Variants in BOC observed in about 807,000 individuals in gnomAD.
The protein encoded by BOC is brother of CDO.
In BOC, 76 loss-of-function variants were observed where a neutral mutation model predicts 112.0. The ratio of observed to expected loss-of-function variants is 0.68; its 90% CI spans 0.56 to 0.82. BOC has a LOEUF of 0.82. Among genes scored for constraint, BOC ranks in the 40% least tolerant of loss-of-function variants. The pLI is 0.00. For synonymous variants in BOC, 580 were observed against 599.8 expected, an observed-to-expected ratio of 0.97 and a Z score of 0.48; for missense variants, 1,309 against 1,511.7, an observed-to-expected ratio of 0.87 and a Z score of 2.22.
chr3:113,222,566 C>T (rs555932853), intron 2 of BOC, among the ~76,000 whole-genome samples: 2 of 152,272 alleles, frequency 1.3e-5, no homozygotes, highest in African/African-American at 4.8e-5. Flanking sequence ...CAGGAATGTC[C>T]GTGGGTGTAC....
At chr3:113,280,096 G>C (rs1576500432) in intron 13 of BOC, 91 bp downstream of exon 13, 1 of 1,329,224 alleles carries the variant, frequency 7.5e-7, no homozygotes, top group East Asian at 2.6e-5. Context: ...CCCCGAACAG[G>C]GCACCTGAAA....
intron 19 of BOC, among the ~76,000 whole-genome samples, 188 bp from the exon 20 acceptor site, chr3:113,286,487 G>A (rs778088180): frequency 4.6e-5 from 7 of 152,024 alleles, no homozygotes; most frequent in Non-Finnish European, 1.0e-4. Flanking sequence ...GGTGGCAAGT[G>A]GCCCTCCCTG....
intron 2 of BOC, among the ~76,000 whole-genome samples, chr3:113,233,524 G>T (rs1426822264): frequency 6.6e-6 from 1 of 152,048 alleles, no homozygotes; most frequent in Non-Finnish European, 1.5e-5. Flanking sequence ...ACAGCTCCTC[G>T]CTAGTCTATG....
chr3:113,280,905 G>A (rs1311049459), intron 14 of BOC, 126 bp from the exon 15 acceptor site: 16 of 1,320,562 alleles, frequency 1.2e-5, no homozygotes, highest in African/African-American at 1.5e-5. Flanking sequence ...TCCTCCACAC[G>A]CCGCCCCTGT....
chr3:113,235,395 C>T (rs1287822684), intron 2 of BOC, among the ~76,000 whole-genome samples: 4 of 152,154 alleles, frequency 2.6e-5, no homozygotes, highest in Non-Finnish European at 5.9e-5. Context: ...GTGGGCTCCT[C>T]TCTGGGGCTG....
chr3:113,260,960 G>A (rs576622136), intron 4 of BOC, among the ~76,000 whole-genome samples: 1 of 152,188 alleles, frequency 6.6e-6, no homozygotes, highest in South Asian at 2.1e-4. Context: ...CATGAAACCC[G>A]TCCCTGATGC....
chr3:113,227,720 G>A (rs766981433), intron 2 of BOC, among the ~76,000 whole-genome samples: 67 of 151,872 alleles, frequency 4.4e-4, no homozygotes, highest in Non-Finnish European at 7.9e-4. Context: ...CTAGTTATCC[G>A]ACTGAAAACA....
intron 5 of BOC, chr3:113,270,487 T>C: frequency 3.8e-6 from 1 of 262,208 alleles, no homozygotes; most frequent in African/African-American, 2.2e-5. Context: ...CTTTCTAGCC[T>C]CCCTTAGCTC....
intron 1 of BOC, among the ~76,000 whole-genome samples, chr3:113,213,720 C>T (rs550063100): frequency 5.9e-5 from 9 of 152,288 alleles, no homozygotes; most frequent in East Asian, 1.9e-4. Flanking sequence ...AGAAGCTTCT[C>T]GTGGTGATCT....
rs1454356224 is a variant in BOC at position 113,281,116 on chromosome 3, G to A, written c.2397G>A (p.Glu799=). 6.2e-6 allele frequency: 10 copies of A among 1,614,068 alleles called. No homozygotes were observed. The highest frequency in any genetic ancestry group is 8.5e-6 in the Non-Finnish European group (10 of 1,179,972). Residue 799 remains glutamate (E), a synonymous_variant, in exon 15 of 20, where the codon GAG becomes GAA. Coordinates refer to ENST00000682979, the MANE Select transcript of BOC (RefSeq NM_001378074.1). Reference sequence around the variant, plus strand: ...TGCAGTGCTTCAATGAAGGAGGGGAGAGCGAGTTCAGCAACGTGATGATCT... The same window carrying A: ...TGCAGTGCTTCAATGAAGGAGGGGAAAGCGAGTTCAGCAACGTGATGATCT... ...IKMQCFNEGG[E]SEFSNVMICE... is the part of the protein sequence containing the mutation.
rs772700619 is a variant in BOC at position 113,250,624 on chromosome 3, G to A, written c.167G>A (p.Gly56Asp). Residue 56 changes from glycine (G) to aspartate (D), a missense_variant, in exon 4 of 20, where the codon GGC becomes GAC. Coordinates refer to ENST00000682979, the MANE Select transcript of BOC (RefSeq NM_001378074.1). ...AAGCCCGGAGGCACTGTGATCTTGG[G>A]CTGCGTGGTGGAACCTCCAAGGATG... is the stretch of plus-strand genomic sequence containing the variant. The part of the protein sequence containing the change: ...VQKPGGTVIL[G>D]CVVEPPRMNV... 1 of 1,614,204 alleles carries A rather than the reference G, an allele frequency of 6.2e-7. No individual in the cohort carries two copies. Among genetic ancestry groups the A allele is most frequent in the Non-Finnish European group, 8.5e-7 (1 of 1,180,040 alleles).
At chr3:113,249,192 G>T (rs1007007670) in intron 2 of BOC, among the ~76,000 whole-genome samples, 2 of 152,220 alleles carry the variant, frequency 1.3e-5, no homozygotes, top group Non-Finnish European at 2.9e-5. Flanking sequence ...GAGTCACTGA[G>T]ATGCTAGGAT....
intron 2 of BOC, among the ~76,000 whole-genome samples, chr3:113,228,735 G>C (rs183705025): frequency 6.6e-6 from 1 of 152,304 alleles, no homozygotes; most frequent in Admixed American, 6.5e-5. Flanking sequence ...GCTGGGTGGG[G>C]TATGTAGTTA....
rs749716572 is a variant in BOC at position 113,250,542 on chromosome 3, G to T, written c.98-13G>T. 1.5e-5 allele frequency: 24 copies of T among 1,599,742 alleles called. 1 individual carries two copies. Among genetic ancestry groups the T allele is most frequent in the Non-Finnish European group, 2.0e-5 (24 of 1,172,918 alleles). ...GGCATCAGTTCATTGCTGCATCCCTGTTCTTCCTCCAGACGAGGTCCCTCA... is the reference window on the plus strand; with the variant it reads ...GGCATCAGTTCATTGCTGCATCCCTTTTCTTCCTCCAGACGAGGTCCCTCA... On this transcript the variant is annotated splice_polypyrimidine_tract_variant and intron_variant, in intron 3 of 19. Coordinates refer to ENST00000682979, the MANE Select transcript of BOC (RefSeq NM_001378074.1).
rs146251310 is a variant in BOC, at chr3:113,280,965, A to G, written c.2312-66A>G. Reference sequence around the variant, plus strand: ...CACACTGCCCCAGCTGAGTCTGACTATGAGATTGGGATCAAGAAAACCATA... The same window carrying G: ...CACACTGCCCCAGCTGAGTCTGACTGTGAGATTGGGATCAAGAAAACCATA... On this transcript the variant is annotated intron_variant, in intron 14 of 19. Coordinates refer to ENST00000682979, the MANE Select transcript of BOC (RefSeq NM_001378074.1). 142 of 1,590,106 alleles carry G rather than the reference A, an allele frequency of 8.9e-5. No homozygotes were observed. The African/African-American group carries it at 1.6e-3, about 18-fold the overall frequency.
At chr3:113,285,248 C>G in intron 18 of BOC, 124 bp from the exon 19 acceptor site, 1 of 864,798 alleles carries the variant, frequency 1.2e-6, no homozygotes, top group Non-Finnish European at 1.9e-6. Context: ...GGAGAGCAGT[C>G]CTTGCCCCAT....
intron 4 of BOC, among the ~76,000 whole-genome samples, 199 bp from the exon 5 acceptor site, chr3:113,268,100 C>G (rs982047575): frequency 3.9e-5 from 6 of 152,166 alleles, no homozygotes; most frequent in African/African-American, 1.2e-4. Flanking sequence ...CAAAGTGAAC[C>G]CCATCAGTGA....
At chr3:113,212,203 GC>G (rs1938289549) in intron 1 of BOC, 187 bp downstream of exon 1, 1 of 151,072 alleles carries the variant, frequency 6.6e-6, no homozygotes, top group African/African-American at 2.4e-5. Flanking sequence ...GGGAGCTGCG[GC>G]CGAGGCTGGG....
intron 2 of BOC, among the ~76,000 whole-genome samples, chr3:113,229,772 A>C (rs569186240): frequency 6.6e-6 from 1 of 152,260 alleles, no homozygotes; most frequent in Non-Finnish European, 1.5e-5. Flanking sequence ...ATGATACAGT[A>C]AGGAACATCT....
Sources: allele counts gnomAD v4.1 joint callset (sites outside exome capture counted in the v4.1 genomes callset), GRCh38; gene constraint gnomAD v4.1.1; transcripts MANE v1.5; gene names NCBI Gene and HGNC (gene_info 2026-07-23, HGNC 2026-07-21).